The following MB variants were observed in gnomAD, a reference collection of about 807,000 sequenced individuals.
MB encodes myoglobin.
MB carries 10 observed loss-of-function variants against 14.5 expected under a neutral mutation model. That is an observed-to-expected ratio of 0.69 (90% confidence interval 0.43 to 1.17). The LOEUF is 1.17. Among genes scored for constraint, MB ranks in the 50% most tolerant of loss-of-function variants. The pLI is 0.00. For missense variants in MB, 169 were observed against 192.7 expected (o/e 0.88, Z 0.73); for synonymous variants, 89 against 78.6 (o/e 1.13, Z -0.70).
upstream of MB, chr22:35,617,628 C>T (rs545896684): frequency 4.7e-4 from 95 of 203,912 alleles, no homozygotes; most frequent in Non-Finnish European, 7.9e-4. Flanking sequence ...CCACAGAAGC[C>T]GACGCCAGCA....
chr22:35,615,882 C>A (rs554107331), intron 1 of MB, among the ~76,000 whole-genome samples: 5 of 152,140 alleles, frequency 3.3e-5, no homozygotes, highest in Non-Finnish European at 7.3e-5. Flanking sequence ...CACTACGATG[C>A]CATTACAGTC....
Position 35,617,167 on chromosome 22 carries a change from T to C in MB, c.91A>G (p.Ile31Val), listed in dbSNP as rs746664660. The part of the protein sequence containing the change: ...DIPGHGQEVL[I>V]RLFKGHPETL... ...AATGGAATCTCTTCCTTTTACCTGATGAGGACTTCCTGCCCATGGCCTGGG... is the reference window on the plus strand; with the variant it reads ...AATGGAATCTCTTCCTTTTACCTGACGAGGACTTCCTGCCCATGGCCTGGG... The change falls in exon 1 of 3, where the codon ATC becomes GTC. Residue 31 changes from isoleucine (I) to valine (V), a missense_variant. Coordinates refer to ENST00000397326, the MANE Select transcript of MB (RefSeq NM_005368.3). The C allele has an allele frequency of 3.1e-6, 5 of 1,612,706 alleles. No homozygotes were observed. The East Asian group carries it at 1.1e-4, about 36-fold the overall frequency.
chr22:35,607,504 G>A, intron 2 of MB, 61 bp from the exon 3 acceptor site: 1 of 1,531,148 alleles, frequency 6.5e-7, no homozygotes, highest in Non-Finnish European at 9.0e-7. Flanking sequence ...GGGCCAGATG[G>A]GAGTCAGTTG....
At chr22:35,615,361 G>C (rs1283322313) in intron 1 of MB, among the ~76,000 whole-genome samples, 4 of 152,160 alleles carry the variant, frequency 2.6e-5, no homozygotes, top group African/African-American at 9.7e-5. Flanking sequence ...CCTAAGACGT[G>C]ACAGGGCACC....
At chr22:35,621,119 C>T (rs149408124), upstream of MB, among the ~76,000 whole-genome samples, 169 of 152,286 alleles carry the variant, frequency 1.1e-3, 1 homozygote, top group African/African-American at 3.9e-3. Flanking sequence ...TGACAGCCTT[C>T]ATTATGGCCA....
chr22:35,622,799 A>G (rs1272191671), intron 1 of MB, among the ~76,000 whole-genome samples: 1 of 149,202 alleles, frequency 6.7e-6, no homozygotes, highest in Non-Finnish European at 1.5e-5. Context: ...GACAGAGACC[A>G]GCCCCGCCTC....
intron 1 of MB, among the ~76,000 whole-genome samples, chr22:35,615,348 C>A (rs1043200977): frequency 6.6e-6 from 1 of 152,216 alleles, no homozygotes; most frequent in African/African-American, 2.4e-5. Context: ...GCATGTCCCA[C>A]AACCTAAGAC....
At chr22:35,615,984 T>C (rs1485652984) in intron 1 of MB, among the ~76,000 whole-genome samples, 2 of 152,130 alleles carry the variant, frequency 1.3e-5, no homozygotes. Context: ...GGACCAGCCA[T>C]GCTCCCGAGG....
chr22:35,612,414 T>C (rs1922699563), intron 1 of MB, among the ~76,000 whole-genome samples: 1 of 152,190 alleles, frequency 6.6e-6, no homozygotes, highest in Non-Finnish European at 1.5e-5. Flanking sequence ...TTTTTGTTTT[T>C]CTTTTTTGAG....
chr22:35,619,530 GAC>G (rs1224760675), upstream of MB, among the ~76,000 whole-genome samples: 2 of 152,188 alleles, frequency 1.3e-5, no homozygotes, highest in African/African-American at 4.8e-5. Flanking sequence ...CATGTTCTGG[GAC>G]ACACAGTTCT....
chr22:35,611,039 C>T lies in MB; in HGVS notation c.163G>A (p.Glu55Lys), dbSNP rs145465287. ...DKFKHLKSED[E>K]MKASEDLKKH... Reference sequence around the variant, plus strand: ...TTTAAGTCCTCAGACGCCTTCATCTCGTCCTCTGACTTCAGGTGCTTGAAC... The same window carrying T: ...TTTAAGTCCTCAGACGCCTTCATCTTGTCCTCTGACTTCAGGTGCTTGAAC... Residue 55 changes from glutamate to lysine, a missense_variant, in exon 2 of 3, where the codon GAG becomes AAG. Transcript: ENST00000397326. 5.9e-5 allele frequency: 95 copies of T among 1,614,054 alleles called. No homozygotes were observed. The highest frequency in any genetic ancestry group is 1.1e-4 in the East Asian group (5 of 44,890).
At chr22:35,622,629 C>T (rs1293314106) in intron 1 of MB, 2 of 152,454 alleles carry the variant, frequency 1.3e-5, no homozygotes, top group African/African-American at 4.8e-5. Context: ...TCCCTGCAGG[C>T]CCAGAGGGGC....
upstream of MB, chr22:35,617,631 C>T (rs759446611): frequency 2.5e-5 from 5 of 202,428 alleles, no homozygotes; most frequent in African/African-American, 4.7e-5. Context: ...CAGAAGCCGA[C>T]GCCAGCAGCC....
upstream of MB, among the ~76,000 whole-genome samples, chr22:35,621,454 T>C (rs1174574053): frequency 6.6e-6 from 1 of 152,156 alleles, no homozygotes; most frequent in Non-Finnish European, 1.5e-5. Flanking sequence ...AAACTTGGGT[T>C]CTAGATTCCA....
At chr22:35,618,887 A>ATCCATCACACACCCATCCC (rs1923276585), upstream of MB, among the ~76,000 whole-genome samples, 1 of 147,410 alleles carries the variant, frequency 6.8e-6, no homozygotes, top group Admixed American at 6.8e-5. Flanking sequence ...CCATCTATCC[A>ATCCATCACACACCCATCCC]TCCATCACCC....
upstream of MB, among the ~76,000 whole-genome samples, chr22:35,620,760 G>A (rs1923410523): frequency 1.3e-5 from 2 of 152,156 alleles, no homozygotes; most frequent in Non-Finnish European, 1.5e-5. Flanking sequence ...GAGGGTGCGG[G>A]GCAGGGCAGG....
chr22:35,607,348 C>T lies in MB; in HGVS notation c.414G>A (p.Leu138=). The T allele has an allele frequency of 6.2e-7, 1 of 1,614,182 alleles. No individual in the cohort carries two copies. The highest frequency in any genetic ancestry group is 1.1e-5 in the South Asian group (1 of 91,084). ...AGTTGGAGGCCATGTCCTTCCGGAA[C>T]AGCTCCAGGGCCTTGTTCATGGCCC... ...AQGAMNKALE[L]FRKDMASNYK... The change falls in exon 3 of 3, where the codon CTG becomes CTA. Residue 138 remains leucine (L), a synonymous_variant. Transcript: ENST00000397326.
exon 1 of MB, chr22:35,623,351 G>A (rs1236313746): frequency 6.6e-6 from 1 of 152,274 alleles, no homozygotes; most frequent in Non-Finnish European, 1.5e-5. Context: ...AGGCCAACAT[G>A]CTCTTTGATT....
upstream of MB, chr22:35,617,728 AGGAC>A (rs1373141886): frequency 1.8e-5 from 3 of 167,172 alleles, no homozygotes; most frequent in Non-Finnish European, 2.6e-5. Context: ...GGCTGGCCCC[AGGAC>A]AGTCCTGGCC....
Sources: gnomAD v4.1 joint callset for allele counts (sites outside exome capture counted in the v4.1 genomes callset) on GRCh38, gnomAD v4.1.1 for gene constraint, MANE v1.5 for transcripts, NCBI Gene and HGNC (gene_info 2026-07-23, HGNC 2026-07-21) for gene names.